Variants in ESRRG observed in about 807,000 individuals in gnomAD.
ESRRG encodes the protein estrogen related receptor gamma.
A neutral mutation model predicts 44.0 loss-of-function variants in ESRRG; 13 were observed. That is an observed-to-expected ratio of 0.30 (90% CI 0.19 to 0.47). The LOEUF is 0.47. Ranked by LOEUF, ESRRG falls within the 20% of genes least tolerant of loss-of-function variation. ESRRG has a pLI of 1.00. For synonymous variants in ESRRG, 215 were observed against 214.6 expected, an observed-to-expected ratio of 1.00 and a Z score of -0.02; for missense variants, 395 against 580.6, an observed-to-expected ratio of 0.68 and a Z score of 3.29.
At chr1:217,023,972 C>A (rs1034760039) in intron 1 of ESRRG, among the ~76,000 whole-genome samples, 1 of 152,160 alleles carries the variant, frequency 6.6e-6, no homozygotes, top group African/African-American at 2.4e-5. Context: ...CAAGGAAATT[C>A]AAGATATCGT....
intron 1 of ESRRG, among the ~76,000 whole-genome samples, chr1:216,996,866 G>A (rs2150584294): frequency 6.6e-6 from 1 of 152,162 alleles, no homozygotes; most frequent in South Asian, 2.1e-4. Context: ...GCCCCAATGA[G>A]ACTGCAAAAG....
At chr1:217,095,070 G>T (rs1219294355) in intron 1 of ESRRG, among the ~76,000 whole-genome samples, 1 of 152,090 alleles carries the variant, frequency 6.6e-6, no homozygotes, top group Non-Finnish European at 1.5e-5. Context: ...CTCAAGAAAA[G>T]ATCCATAACT....
chr1:216,554,637 T>TA (rs1177678049), intron 5 of ESRRG, among the ~76,000 whole-genome samples: 2 of 151,928 alleles, frequency 1.3e-5, no homozygotes, highest in East Asian at 3.9e-4. Flanking sequence ...CCCCATCTCT[T>TA]AAAAAAACTA....
intron 2 of ESRRG, among the ~76,000 whole-genome samples, chr1:216,928,063 A>G (rs1208273933): frequency 1.3e-5 from 2 of 152,202 alleles, no homozygotes; most frequent in Non-Finnish European, 2.9e-5. Context: ...AGTTAAAAAG[A>G]AGAAAGTCTT....
chr1:217,084,908 A>G (rs1365888409), intron 1 of ESRRG, among the ~76,000 whole-genome samples: 5 of 152,198 alleles, frequency 3.3e-5, no homozygotes, highest in African/African-American at 9.7e-5. Flanking sequence ...ATAAAAATGT[A>G]AATAAAGGCC....
At chr1:217,015,257 C>A (rs1156504622) in intron 1 of ESRRG, among the ~76,000 whole-genome samples, 1 of 152,128 alleles carries the variant, frequency 6.6e-6, no homozygotes, top group Non-Finnish European at 1.5e-5. Context: ...TCTACCATCT[C>A]TTCACTGGTC....
At chr1:217,059,307 ATAGTTTAT>A (rs1335579497) in intron 1 of ESRRG, among the ~76,000 whole-genome samples, 2 of 151,860 alleles carry the variant, frequency 1.3e-5, no homozygotes, top group Non-Finnish European at 2.9e-5. Context: ...ATAACTACAT[ATAGTTTAT>A]TAGTTTACAT....
chr1:216,670,571 A>T (rs2074966190), intron 2 of ESRRG, among the ~76,000 whole-genome samples: 1 of 152,184 alleles, frequency 6.6e-6, no homozygotes, highest in Non-Finnish European at 1.5e-5. Context: ...CTTGATCCTG[A>T]GTACCTGAGA....
At chr1:217,028,589 A>C (rs1279672634) in intron 1 of ESRRG, among the ~76,000 whole-genome samples, 2 of 152,322 alleles carry the variant, frequency 1.3e-5, no homozygotes, top group East Asian at 3.9e-4. Flanking sequence ...CTTTGGGAAT[A>C]GCACATTTTA....
intron 1 of ESRRG, chr1:216,707,427 CA>C (rs1204224746): frequency 6.5e-7 from 1 of 1,535,874 alleles, no homozygotes. Context: ...ATTCTCGCCA[CA>C]TTCAGGATCT....
intron 2 of ESRRG, among the ~76,000 whole-genome samples, chr1:216,768,716 G>A (rs545165293): frequency 2.4e-4 from 37 of 152,164 alleles, no homozygotes; most frequent in Admixed American, 3.3e-4. Flanking sequence ...GTCTCAAACT[G>A]CTGGCCCCAA....
At chr1:216,846,802 G>A (rs1348353159) in intron 2 of ESRRG, among the ~76,000 whole-genome samples, 2 of 151,952 alleles carry the variant, frequency 1.3e-5, no homozygotes. Context: ...GGAAAACTGA[G>A]GCCCAGATAA....
intron 5 of ESRRG, 107 bp from the exon 6 acceptor site, chr1:216,519,528 T>A: frequency 9.2e-7 from 1 of 1,086,134 alleles, no homozygotes; most frequent in Non-Finnish European, 1.3e-6. Context: ...AAAATTATGC[T>A]GAGCTTTGAT....
chr1:217,044,664 C>T (rs919061998), intron 1 of ESRRG, among the ~76,000 whole-genome samples: 2 of 152,076 alleles, frequency 1.3e-5, no homozygotes, highest in Non-Finnish European at 2.9e-5. Flanking sequence ...AGTCTGAGTC[C>T]ATTTTCATAT....
At chr1:216,982,175 C>T (rs1005760873) in intron 1 of ESRRG, among the ~76,000 whole-genome samples, 1 of 152,196 alleles carries the variant, frequency 6.6e-6, no homozygotes, top group Admixed American at 6.5e-5. Context: ...AACAGCTTAG[C>T]TGCACTCAGT....
chr1:217,020,238 A>G (rs2080080489), intron 1 of ESRRG, among the ~76,000 whole-genome samples: 1 of 152,210 alleles, frequency 6.6e-6, no homozygotes, highest in Non-Finnish European at 1.5e-5. Context: ...TCACAGTACC[A>G]TATTTTAAAA....
At chr1:217,054,197 C>T (rs1322918008) in intron 1 of ESRRG, among the ~76,000 whole-genome samples, 3 of 152,138 alleles carry the variant, frequency 2.0e-5, no homozygotes, top group Non-Finnish European at 2.9e-5. Context: ...AGTTGTTTTT[C>T]ATCAAAATCT....
At chr1:216,921,022 C>G (rs1303421530) in intron 2 of ESRRG, among the ~76,000 whole-genome samples, 1 of 152,278 alleles carries the variant, frequency 6.6e-6, no homozygotes, top group East Asian at 1.9e-4. Flanking sequence ...TAAAGATTTC[C>G]CTAAGTTCTG....
chr1:217,097,632 A>C (rs1471661531), intron 1 of ESRRG, among the ~76,000 whole-genome samples: 4 of 152,180 alleles, frequency 2.6e-5, no homozygotes, highest in African/African-American at 9.7e-5. Context: ...AAATTTTATA[A>C]TATTTAAGTA....
Sources: allele counts gnomAD v4.1 joint callset (sites outside exome capture counted in the v4.1 genomes callset), GRCh38; gene constraint gnomAD v4.1.1; transcripts MANE v1.5; gene names NCBI Gene and HGNC (gene_info 2026-07-23, HGNC 2026-07-21).